The following RNF32 variants were observed in gnomAD, a reference collection of about 807,000 sequenced individuals.
The protein encoded by RNF32 is ring finger protein 32.
In RNF32, 36 loss-of-function variants were observed where a neutral mutation model predicts 41.0. The observed-to-expected ratio is 0.88, with a 90% CI of 0.67 to 1.16. RNF32 has a LOEUF of 1.16. Among genes scored for constraint, RNF32 ranks in the 50% most tolerant of loss-of-function variants. The pLI, the probability that RNF32 is intolerant of heterozygous loss-of-function variation, is 0.00. For missense variants in RNF32, 413 were observed against 436.7 expected (o/e 0.95, Z 0.48); for synonymous variants, 154 against 160.9 (o/e 0.96, Z 0.32).
intron 7 of RNF32, chr7:156,659,723 G>C: frequency 3.9e-6 from 3 of 760,486 alleles, no homozygotes; most frequent in Non-Finnish European, 4.8e-6. Context: ...AACTGGACGA[G>C]AACTGGCCCA....
rs1245478642 is a variant in RNF32 at position 156,659,917 on chromosome 7, G to C, written c.684+1347G>C. 3.0e-6 allele frequency: 3 copies of C among 985,342 alleles called. No individual in the cohort carries two copies. The African/African-American group carries it at 5.2e-5, about 17-fold the overall frequency. 61.0% of individuals were successfully genotyped at this position (985,342 alleles called of 1,614,324 possible). ...TGACCAAGAGCAGTCGGGGCAGGGAGACCTGATCAAACAAGTTCCTCAGTT... is the reference window on the plus strand; with the variant it reads ...TGACCAAGAGCAGTCGGGGCAGGGACACCTGATCAAACAAGTTCCTCAGTT... On this transcript the variant is annotated intron_variant, in intron 7 of 8. Coordinates refer to ENST00000317955, the MANE Select transcript of RNF32 (RefSeq NM_030936.4).
chr7:156,664,715 C>T (rs927734060), intron 7 of RNF32, among the ~76,000 whole-genome samples: 1 of 152,076 alleles, frequency 6.6e-6, no homozygotes, highest in African/African-American at 2.4e-5. Flanking sequence ...AAATAATACA[C>T]GGACCCTATC....
chr7:156,648,031 T>G (rs1028537358), intron 3 of RNF32, among the ~76,000 whole-genome samples: 3 of 151,016 alleles, frequency 2.0e-5, no homozygotes, highest in African/African-American at 7.3e-5. Context: ...GATTATTTGT[T>G]TTTTTTTTTT....
At chr7:156,675,972 G>C in intron 8 of RNF32, 109 bp downstream of exon 8, 1 of 1,167,804 alleles carries the variant, frequency 8.6e-7, no homozygotes, top group Non-Finnish European at 1.2e-6. Flanking sequence ...GAGCCTAGGA[G>C]TGTCAGGCCC....
intron 7 of RNF32, among the ~76,000 whole-genome samples, chr7:156,665,467 GA>G (rs1180006180): frequency 1.3e-5 from 2 of 152,174 alleles, no homozygotes; most frequent in Non-Finnish European, 2.9e-5. Context: ...ATGATCTGGG[GA>G]ACAACAGTTT....
intron 5 of RNF32, 79 bp downstream of exon 5, chr7:156,657,652 GC>G: frequency 7.2e-7 from 1 of 1,390,330 alleles, no homozygotes; most frequent in South Asian, 1.2e-5. Context: ...CATTTTCAAG[GC>G]TCCTAAGGAG....
intron 3 of RNF32, among the ~76,000 whole-genome samples, chr7:156,648,277 T>G (rs1351338187): frequency 6.6e-6 from 1 of 152,172 alleles, no homozygotes; most frequent in East Asian, 1.9e-4. Flanking sequence ...TCACACAAGG[T>G]GGAGGGGACC....
chr7:156,666,184 T>A (rs1162238098), intron 7 of RNF32, among the ~76,000 whole-genome samples: 2 of 152,200 alleles, frequency 1.3e-5, no homozygotes, highest in Non-Finnish European at 2.9e-5. Flanking sequence ...TGTTTTAGGA[T>A]CTCACCAAGA....
intron 3 of RNF32, chr7:156,654,041 G>A (rs1799196245): frequency 6.6e-6 from 1 of 151,996 alleles, no homozygotes; most frequent in Non-Finnish European, 1.5e-5. Flanking sequence ...TAAGATATGG[G>A]AAATGCTTTG....
At chr7:156,668,327 C>T (rs1010322234) in intron 7 of RNF32, among the ~76,000 whole-genome samples, 1 of 152,188 alleles carries the variant, frequency 6.6e-6, no homozygotes, top group Non-Finnish European at 1.5e-5. Flanking sequence ...ACAGAAAAAT[C>T]TAACAGTGAT....
chr7:156,643,993 G>T, intron 2 of RNF32, 101 bp downstream of exon 2: 2 of 1,032,896 alleles, frequency 1.9e-6, no homozygotes, highest in South Asian at 1.4e-5. Context: ...AACCCTGCTT[G>T]AACTAGGAAT....
At chr7:156,647,175 G>T (rs974652231) in intron 3 of RNF32, among the ~76,000 whole-genome samples, 3 of 151,718 alleles carry the variant, frequency 2.0e-5, no homozygotes, top group African/African-American at 4.9e-5. Context: ...TTTTTTGTTT[G>T]TTTTTTGTGT....
At chr7:156,640,998 G>A (rs553936591) in intron 1 of RNF32, 187 bp downstream of exon 1, 12 of 164,208 alleles carry the variant, frequency 7.3e-5, no homozygotes, top group Non-Finnish European at 1.6e-4. Context: ...GGGGACTCGG[G>A]GTCCTGGTTA....
chr7:156,675,904 G>A, intron 8 of RNF32, 41 bp downstream of exon 8: 1 of 1,594,124 alleles, frequency 6.3e-7, no homozygotes, highest in Non-Finnish European at 8.6e-7. Context: ...AGACTCAGCT[G>A]CAGCTGCAGA....
In RNF32 at chr7:156,675,786, C is replaced by T. The variant is rs139814797; in HGVS notation, c.775C>T (p.Arg259Ter). Residue 259 changes from arginine to a stop codon, truncating the protein, a stop_gained, in exon 8 of 9, where the codon CGA (arginine) becomes TGA (stop). Transcript: ENST00000317955. LOFTEE classifies it high-confidence loss of function. ...AEIDQCLAIN[R>*]SVLQQLEEKC... ...AATCGATCAGTGCTTGGCCATAAAT[C>T]GAAGTGTTCTTCAGCAGTTGGAAGA... 6.1e-5 allele frequency: 99 copies of T among 1,614,004 alleles called. No homozygotes were observed. The highest frequency in any genetic ancestry group is 2.7e-4 in the East Asian group (12 of 44,872).
rs1411844824 is a variant in RNF32, at chr7:156,658,261, G to A, written c.575+9G>A. The A allele has an allele frequency of 1.4e-5, 23 of 1,612,362 alleles. No homozygotes were observed. Among genetic ancestry groups the A allele is most frequent in the African/African-American group, 4.0e-5 (3 of 74,766 alleles). On this transcript the variant is annotated intron_variant, in intron 6 of 8. Coordinates refer to ENST00000317955, the MANE Select transcript of RNF32 (RefSeq NM_030936.4). ...ATCAAGTGTGTGACCAGGTGAGGAC[G>A]CCAGGCCCGTTTGGCGCTAAGCAGA...
chr7:156,640,679 A>T, upstream of RNF32: 1 of 308,674 alleles, frequency 3.2e-6, no homozygotes, highest in South Asian at 2.4e-5. Context: ...GGGGCGGGGC[A>T]GGGCTGGTGA....
chr7:156,672,513 A>G (rs1248418418), intron 7 of RNF32, among the ~76,000 whole-genome samples: 1 of 152,208 alleles, frequency 6.6e-6, no homozygotes, highest in Admixed American at 6.5e-5. Context: ...TATGAGCTCT[A>G]TTTCCATCTA....
chr7:156,647,239 G>GT (rs1798083892), intron 3 of RNF32, among the ~76,000 whole-genome samples: 1 of 151,962 alleles, frequency 6.6e-6, no homozygotes, highest in Non-Finnish European at 1.5e-5. Flanking sequence ...GGTACAAGTG[G>GT]TTTTTGGTTA....
Sources: gnomAD v4.1 joint callset for allele counts (sites outside exome capture counted in the v4.1 genomes callset) on GRCh38, gnomAD v4.1.1 for gene constraint, MANE v1.5 for transcripts, NCBI Gene and HGNC (gene_info 2026-07-23, HGNC 2026-07-21) for gene names.